The following POU3F3 variants were observed in gnomAD, a reference collection of about 807,000 sequenced individuals.
POU3F3 encodes POU domain, class 3, transcription factor 3.
Under a neutral mutation model 8.6 loss-of-function variants are expected in POU3F3, and 1 was observed. That is an observed-to-expected ratio of 0.12 (90% CI 0.04 to 0.55). The LOEUF (loss-of-function observed/expected upper bound fraction) is 0.55. Ranked by LOEUF, POU3F3 falls within the 20% of genes least tolerant of loss-of-function variation. The probability of loss-of-function intolerance (pLI) is 0.91; values close to 1 mark genes in which losing one functional copy is unlikely to be tolerated. For synonymous variants in POU3F3, 418 were observed against 327.4 expected (o/e 1.28, Z -2.99); for missense variants, 577 against 690.7 (o/e 0.84, Z 1.84).
chr2:104,893,566 G>A, the POU3F3 span, among the ~76,000 whole-genome samples: 3 of 152,324 alleles, frequency 2.0e-5, no homozygotes, highest in African/African-American at 7.2e-5. Context: ...TGATTGCATT[G>A]ACTTCACTGA....
the POU3F3 span, among the ~76,000 whole-genome samples, chr2:104,875,157 T>C: frequency 2.6e-5 from 4 of 152,224 alleles, no homozygotes; most frequent in Admixed American, 2.6e-4. Context: ...TTGTAGCATG[T>C]AGCAGAATTT....
At chr2:104,922,328 T>C in the POU3F3 span, among the ~76,000 whole-genome samples, 27 of 144,370 alleles carry the variant, frequency 1.9e-4, no homozygotes, top group Non-Finnish European at 3.3e-4. Context: ...GAAGCCATCC[T>C]GGAGAAAGAC....
At chr2:104,924,846 C>G in the POU3F3 span, among the ~76,000 whole-genome samples, 1 of 152,090 alleles carries the variant, frequency 6.6e-6, no homozygotes, top group East Asian at 1.9e-4. Flanking sequence ...CAAAATTTTG[C>G]CAGTTTGTAA....
the POU3F3 span, among the ~76,000 whole-genome samples, chr2:104,883,820 C>T: frequency 2.0e-5 from 3 of 152,142 alleles, no homozygotes; most frequent in African/African-American, 7.2e-5. Flanking sequence ...GTAAAAGGCT[C>T]CTTCACTGGT....
chr2:104,925,835 G>T, the POU3F3 span: 4 of 152,308 alleles, frequency 2.6e-5, no homozygotes, highest in South Asian at 8.3e-4. Flanking sequence ...TCCCACTGGG[G>T]AGTTATTTTG....
In POU3F3 at chr2:104,854,726, G is replaced by T. The variant is rs186310432; in HGVS notation, c.-785G>T. Among the ~76,000 whole-genome samples the T allele has an allele frequency of 2.0e-5, 3 of 152,144 alleles. No individual in the cohort carries two copies. The highest frequency in any genetic ancestry group is 1.3e-4 in the Admixed American group (2 of 15,280). On this transcript the variant is annotated 5_prime_UTR_variant, in exon 1 of 1. Coordinates refer to ENST00000361360, the MANE Select transcript of POU3F3 (RefSeq NM_006236.3). This position sits in a 1 kb window ranked among gnomAD's most constrained non-coding sequence, Gnocchi z 4.5. ...AAAACTTGAAACGAGAGGACCAGAG[G>T]GGGAGAGCAGGAGCCAGCCTCCCCT...
chr2:104,863,695 C>T, the POU3F3 span, among the ~76,000 whole-genome samples: 6 of 152,292 alleles, frequency 3.9e-5, no homozygotes, highest in East Asian at 5.8e-4. Context: ...AGCCCACAGA[C>T]CAGGGCCCGA....
the POU3F3 span, among the ~76,000 whole-genome samples, chr2:104,899,870 T>C: frequency 6.6e-6 from 1 of 152,158 alleles, no homozygotes; most frequent in Non-Finnish European, 1.5e-5. Context: ...GCTCATGGCA[T>C]AAGACAGACT....
At chr2:104,878,996 C>CAACATACACAACACAA in the POU3F3 span, among the ~76,000 whole-genome samples, 8 of 151,874 alleles carry the variant, frequency 5.3e-5, no homozygotes, top group African/African-American at 1.9e-4. Flanking sequence ...ACACAACACA[C>CAACATACACAACACAA]AACATACACA....
rs1676560514 is a variant in POU3F3 at position 104,856,092 on chromosome 2, AGCCGCAGCC to A, written c.588_596del (p.Ala202_Ala204del). 3 of 1,033,080 alleles carry A rather than the reference AGCCGCAGCC, an allele frequency of 2.9e-6. No homozygotes were observed. The highest frequency in any genetic ancestry group is 3.4e-6 in the Non-Finnish European group (3 of 871,232). 64.0% of individuals were successfully genotyped at this position (1,033,080 alleles called of 1,614,324 possible). On this transcript the variant is annotated inframe_deletion, in exon 1 of 1. Transcript: ENST00000361360. ...GCTGGGGGGCGGCCGCCGCTGCCGC[AGCCGCAGCC>A]GCCGCCGCCGCCGCCGCCGCGCACC...
chr2:104,872,361 G>A, the POU3F3 span: 26 of 456,596 alleles, frequency 5.7e-5, no homozygotes, highest in Non-Finnish European at 9.3e-5. The surrounding 1 kb of genome is among the most constrained non-coding windows in gnomAD (Gnocchi z 4.6). Flanking sequence ...CGGGCTCTGA[G>A]CTCTGGAGCC....
the POU3F3 span, among the ~76,000 whole-genome samples, chr2:104,887,845 CATTTT>C: frequency 5.3e-5 from 8 of 152,204 alleles, no homozygotes; most frequent in Admixed American, 5.2e-4. Flanking sequence ...CATGCAAAAG[CATTTT>C]ATTTTCAGGC....
At chr2:104,882,988 G>A in the POU3F3 span, among the ~76,000 whole-genome samples, 1 of 152,198 alleles carries the variant, frequency 6.6e-6, no homozygotes, top group African/African-American at 2.4e-5. Flanking sequence ...GAAAGTAATA[G>A]CCATCTAAAT....
chr2:104,915,990 G>T, the POU3F3 span, among the ~76,000 whole-genome samples: 1 of 151,240 alleles, frequency 6.6e-6, no homozygotes, highest in African/African-American at 2.4e-5. Context: ...ATGACATGCT[G>T]TGTGCACCTC....
At chr2:104,911,318 GC>G in the POU3F3 span, among the ~76,000 whole-genome samples, 2 of 151,488 alleles carry the variant, frequency 1.3e-5, no homozygotes, top group African/African-American at 2.4e-5. Flanking sequence ...GGAGGCTGAG[GC>G]AGACAGAATT....
the POU3F3 span, among the ~76,000 whole-genome samples, chr2:104,918,282 G>A: frequency 6.6e-6 from 1 of 152,182 alleles, no homozygotes; most frequent in Non-Finnish European, 1.5e-5. Flanking sequence ...CTGGTGACCC[G>A]TGAACTAAGA....
In POU3F3 at chr2:104,855,539, T is replaced by C; in HGVS notation, c.29T>C (p.Leu10Pro). MATAASNPY[L>P]PGNSLLAAGS... is the part of the protein sequence containing the mutation. ...GCCACGGCGGCTTCTAACCCCTACCTGCCGGGGAACAGCCTGCTCGCGGCC... is the reference window on the plus strand; with the variant it reads ...GCCACGGCGGCTTCTAACCCCTACCCGCCGGGGAACAGCCTGCTCGCGGCC... The change falls in exon 1 of 1, where the codon CTG becomes CCG. Residue 10 changes from leucine to proline, a missense_variant. By Grantham distance (98) the Leu-to-Pro change is moderately conservative. Transcript: ENST00000361360. 9.7e-7 allele frequency: 1 copy of C among 1,033,266 alleles called. No homozygotes were observed. Among genetic ancestry groups the C allele is most frequent in the South Asian group, 2.8e-5 (1 of 35,108 alleles). 64.0% of individuals were successfully genotyped at this position (1,033,266 alleles called of 1,614,324 possible). A position where few individuals can be genotyped will look rare whatever the true frequency, so the allele number is the denominator to read the frequency against.
At chr2:104,882,243 AT>A in the POU3F3 span, among the ~76,000 whole-genome samples, 57,354 of 111,146 alleles carry the variant, frequency 0.52, 12,830 homozygotes, top group African/African-American at 0.64. Context: ...GAAAACCTGA[AT>A]TTTTTTTTTT....
the POU3F3 span, among the ~76,000 whole-genome samples, chr2:104,890,759 G>C: frequency 1.3e-5 from 2 of 152,186 alleles, no homozygotes; most frequent in Admixed American, 1.3e-4. Context: ...TCGGGTAAAA[G>C]AGGCAGAAAG....
Sources: allele counts gnomAD v4.1 joint callset (sites outside exome capture counted in the v4.1 genomes callset), GRCh38; gene constraint gnomAD v4.1.1; non-coding constraint Gnocchi (gnomAD v3.1); transcripts MANE v1.5; gene names NCBI Gene and HGNC (gene_info 2026-07-23, HGNC 2026-07-21).